PRKCB: variants seen among roughly 807,000 people sequenced by gnomAD.
The protein encoded by PRKCB is protein kinase C beta type.
PRKCB carries 13 observed loss-of-function variants against 81.5 expected under a neutral mutation model. The observed-to-expected ratio is 0.16, with a 90% confidence interval of 0.10 to 0.25. The LOEUF is 0.25. Ranked by LOEUF, PRKCB falls within the 10% of genes least tolerant of loss-of-function variation. PRKCB has a pLI of 1.00. For synonymous variants in PRKCB, 335 were observed against 321.4 expected (o/e 1.04, Z -0.45); for missense variants, 509 against 875.7 (o/e 0.58, Z 5.29).
At chr16:24,165,550 A>G (rs8053000) in intron 10 of PRKCB, among the ~76,000 whole-genome samples, 8,778 of 152,142 alleles carry the variant, frequency 0.058, 847 homozygotes, top group African/African-American at 0.2. Flanking sequence ...CTCTGACAAT[A>G]TTTTCCAGAT....
At chr16:23,873,502 G>C (rs758030516) in intron 2 of PRKCB, among the ~76,000 whole-genome samples, 1 of 152,310 alleles carries the variant, frequency 6.6e-6, no homozygotes, top group Middle Eastern at 3.4e-3. Flanking sequence ...GTTCCTGCAG[G>C]TCTGACTTTC....
At chr16:23,944,719 C>A (rs72777999) in intron 2 of PRKCB, among the ~76,000 whole-genome samples, 1 of 152,204 alleles carries the variant, frequency 6.6e-6, no homozygotes. Context: ...GCAGTGTCTG[C>A]GGTTGGGAGA....
intron 3 of PRKCB, among the ~76,000 whole-genome samples, chr16:24,019,581 T>C (rs1335902517): frequency 1.3e-5 from 2 of 152,216 alleles, no homozygotes; most frequent in South Asian, 2.1e-4. Context: ...CTGACTAATA[T>C]GGCGAAACCC....
chr16:24,061,910 TAAAAAA>T (rs1210402981), intron 5 of PRKCB, among the ~76,000 whole-genome samples: 3 of 93,758 alleles, frequency 3.2e-5, no homozygotes, highest in African/African-American at 7.5e-5. Context: ...CTTAAATAAA[TAAAAAA>T]AAAAAAAAAA....
intron 16 of PRKCB, among the ~76,000 whole-genome samples, chr16:24,209,902 G>A (rs198179): frequency 0.058 from 8,825 of 151,410 alleles, 311 homozygotes; most frequent in Non-Finnish European, 0.077. Flanking sequence ...ATAGGAGTTC[G>A]AGACCAGCCT....
intron 5 of PRKCB, among the ~76,000 whole-genome samples, chr16:24,092,234 A>T (rs1192597527): frequency 6.6e-6 from 1 of 152,022 alleles, no homozygotes; most frequent in Non-Finnish European, 1.5e-5. Context: ...GTCTCTATGG[A>T]TTTACCTGTT....
chr16:23,927,157 A>G (rs952240180), intron 2 of PRKCB, among the ~76,000 whole-genome samples: 16 of 152,078 alleles, frequency 1.1e-4, no homozygotes, highest in African/African-American at 2.9e-4. Context: ...TGGGTGCTTA[A>G]TTGAAGGCAT....
chr16:23,916,110 G>A (rs1190535769), intron 2 of PRKCB, among the ~76,000 whole-genome samples: 1 of 151,940 alleles, frequency 6.6e-6, no homozygotes, highest in Non-Finnish European at 1.5e-5. Flanking sequence ...CTGGAGTGCA[G>A]TGGGGTGATC....
Position 24,094,246 on chromosome 16 carries a change from G to T in PRKCB, c.770G>T (p.Gly257Val). 1 of 1,614,136 alleles carries T rather than the reference G, an allele frequency of 6.2e-7. No homozygotes were observed. Among genetic ancestry groups the T allele is most frequent in the Non-Finnish European group, 8.5e-7 (1 of 1,180,010 alleles). ...TTGACCAGCAGGAATGACTTCATGG[G>T]ATCTTTGTCCTTTGGGATTTCTGAA... ...WDLTSRNDFM[G>V]SLSFGISELQ... Residue 257 changes from glycine to valine, a missense_variant, in exon 7 of 17, where the codon GGA becomes GTA. By Grantham distance (109) the Gly-to-Val change is moderately radical (BLOSUM62 -3). Coordinates refer to ENST00000643927, the MANE Select transcript of PRKCB (RefSeq NM_002738.7).
chr16:24,154,612 T>C (rs919394859), intron 9 of PRKCB, 72 bp from the exon 10 acceptor site: 8 of 1,493,766 alleles, frequency 5.4e-6, no homozygotes, highest in East Asian at 4.5e-5. Flanking sequence ...TGGCTACAAA[T>C]GAACACCAGC....
chr16:23,952,102 C>G (rs1964292147), intron 2 of PRKCB, among the ~76,000 whole-genome samples: 1 of 152,080 alleles, frequency 6.6e-6, no homozygotes, highest in Non-Finnish European at 1.5e-5. Flanking sequence ...TGGTATAAAA[C>G]AGGTCTTGTG....
chr16:24,202,519 GCAGCATCAGAAGCTA>G (rs1391383181), intron 16 of PRKCB, among the ~76,000 whole-genome samples: 75 of 152,198 alleles, frequency 4.9e-4, no homozygotes, highest in African/African-American at 1.6e-3. Flanking sequence ...AAATATTCAA[GCAGCATCAGAAGCTA>G]CAAAGTGAAA....
rs561963550 is a variant in PRKCB at position 23,902,189 on chromosome 16, T to C, written c.205+64783T>C. Among the ~76,000 whole-genome samples the C allele has an allele frequency of 3.9e-5, 6 of 152,292 alleles. No homozygotes were observed. In the South Asian group the frequency reaches 1.0e-3, roughly 26 times the overall value. On this transcript the variant is annotated intron_variant, in intron 2 of 16. Coordinates refer to ENST00000643927, the MANE Select transcript of PRKCB (RefSeq NM_002738.7). ...TCTTATCTGTATGGACAATGCCATA[T>C]ATTTTCTGAAACTTGGATTTTTCTC...
chr16:24,164,199 T>G (rs977161176), intron 10 of PRKCB, among the ~76,000 whole-genome samples: 4 of 152,188 alleles, frequency 2.6e-5, no homozygotes, highest in African/African-American at 9.6e-5. Flanking sequence ...TTCAGCTGTC[T>G]TAGGGGAAGA....
At chr16:23,872,766 T>G (rs1160739196) in intron 2 of PRKCB, among the ~76,000 whole-genome samples, 1 of 152,090 alleles carries the variant, frequency 6.6e-6, no homozygotes, top group African/African-American at 2.4e-5. Context: ...GAGCAGATGG[T>G]GAGCATCTCT....
intron 2 of PRKCB, among the ~76,000 whole-genome samples, chr16:23,942,039 A>G (rs1964146001): frequency 6.6e-6 from 1 of 152,260 alleles, no homozygotes; most frequent in Non-Finnish European, 1.5e-5. Context: ...TAACAGAATT[A>G]GTTAAGAGGG....
At chr16:23,910,734 T>C (rs186973797) in intron 2 of PRKCB, among the ~76,000 whole-genome samples, 2 of 152,332 alleles carry the variant, frequency 1.3e-5, no homozygotes, top group Admixed American at 1.3e-4. Flanking sequence ...AACATATTTA[T>C]AATGTTGTAA....
Position 24,180,885 on chromosome 16 carries a change from C to A in PRKCB, c.1490C>A (p.Thr497Lys). Residue 497 changes from threonine to lysine, a missense_variant, in exon 13 of 17, where the codon ACA (threonine) becomes AAA (lysine). By Grantham distance (78) the Thr-to-Lys change is moderately conservative. This residue lies in a region of PRKCB where 106 missense variants were observed against 214.0 expected (regional missense o/e 0.50). Transcript: ENST00000643927. ...AAGGAAAACATCTGGGATGGGGTGACAACCAAGACATTCTGTGGCACTCCA... is the reference window on the plus strand; with the variant it reads ...AAGGAAAACATCTGGGATGGGGTGAAAACCAAGACATTCTGTGGCACTCCA... ...MCKENIWDGVTTKTFCGTPDY... is the reference protein window; with the variant it reads ...MCKENIWDGVKTKTFCGTPDY... 6.2e-7 allele frequency: 1 copy of A among 1,614,166 alleles called. No homozygotes were observed. The highest frequency in any genetic ancestry group is 1.1e-5 in the South Asian group (1 of 91,084).
chr16:23,868,976 A>G, intron 2 of PRKCB: 1 of 367,512 alleles, frequency 2.7e-6, no homozygotes, highest in South Asian at 2.0e-5. Context: ...CCCATTTCAC[A>G]GATGCCGAAA....
Sources: allele counts gnomAD v4.1 joint callset (sites outside exome capture counted in the v4.1 genomes callset), GRCh38; gene constraint gnomAD v4.1.1; regional missense constraint gnomAD v4.1.1; transcripts MANE v1.5; gene names NCBI Gene and HGNC (gene_info 2026-07-23, HGNC 2026-07-21).